DCAF8L2: variants seen among roughly 807,000 people sequenced by gnomAD.
DCAF8L2 encodes the protein DDB1- and CUL4-associated factor 8-like protein 2.
For missense variants in DCAF8L2, 430 were observed against 490.7 expected (o/e 0.88, Z 1.17); for synonymous variants, 200 against 190.9 (o/e 1.05, Z -0.39).
intron 1 of DCAF8L2, among the ~76,000 whole-genome samples, chrX:27,595,866 C>CAAACA (rs2147112898): frequency 9.3e-6 from 1 of 108,077 alleles, no homozygotes; most frequent in Admixed American, 1.0e-4. Context: ...AACAAACAAA[C>CAAACA]AAACAAAACA....
intron 2 of DCAF8L2, among the ~76,000 whole-genome samples, chrX:27,670,367 C>T (rs779769615): frequency 1.8e-5 from 2 of 110,669 alleles, no homozygotes; most frequent in Non-Finnish European, 3.8e-5. Flanking sequence ...GAAAGAGCAC[C>T]GGAATTAGTA....
intron 1 of DCAF8L2, among the ~76,000 whole-genome samples, chrX:27,626,067 T>C (rs1449329935): frequency 9.0e-6 from 1 of 111,202 alleles, no homozygotes; most frequent in Admixed American, 9.5e-5. Flanking sequence ...AAAAGAGAAG[T>C]AGCTGATGTT....
chrX:27,730,197 A>T (rs970279029), intron 4 of DCAF8L2, among the ~76,000 whole-genome samples: 1 of 111,949 alleles, frequency 8.9e-6, no homozygotes, highest in Non-Finnish European at 1.9e-5. Context: ...TGGTGAGAGG[A>T]GAAAAGATAT....
chrX:27,583,723 A>G, the DCAF8L2 span, among the ~76,000 whole-genome samples: 1 of 111,187 alleles, frequency 9.0e-6, no homozygotes, highest in Non-Finnish European at 1.9e-5. Flanking sequence ...AACTGTGCAT[A>G]TGAGGGATCT....
the DCAF8L2 span, among the ~76,000 whole-genome samples, chrX:27,489,748 A>T: frequency 0.21 from 23,450 of 111,561 alleles, 2,270 homozygotes; most frequent in East Asian, 0.37. Context: ...GCTGTAAAAT[A>T]TTACATTCCC....
At chrX:27,657,709 G>A (rs1167735091) in intron 2 of DCAF8L2, among the ~76,000 whole-genome samples, 2 of 111,942 alleles carry the variant, frequency 1.8e-5, no homozygotes, top group Non-Finnish European at 3.8e-5. Flanking sequence ...TAAGGATAAT[G>A]TCCTCAGCAG....
the DCAF8L2 span, chrX:27,519,880 T>C: frequency 3.5e-6 from 1 of 281,950 alleles, no homozygotes; most frequent in Non-Finnish European, 6.2e-6. Context: ...TTTCTTATGA[T>C]ATTTTAATTA....
At chrX:27,689,222 A>G (rs1219595892) in intron 3 of DCAF8L2, among the ~76,000 whole-genome samples, 1 of 112,266 alleles carries the variant, frequency 8.9e-6, no homozygotes, top group Non-Finnish European at 1.9e-5. Flanking sequence ...CATATACACC[A>G]CAAGATTGAT....
chrX:27,541,595 C>T, the DCAF8L2 span, among the ~76,000 whole-genome samples: 4 of 109,891 alleles, frequency 3.6e-5, no homozygotes, highest in Non-Finnish European at 3.8e-5. Flanking sequence ...CTTGAACTTC[C>T]GACCTCAGGT....
At chrX:27,560,468 T>C in the DCAF8L2 span, among the ~76,000 whole-genome samples, 1 of 111,386 alleles carries the variant, frequency 9.0e-6, no homozygotes, top group African/African-American at 3.3e-5. Flanking sequence ...TTCCTTCAGC[T>C]GGTAATGTAG....
chrX:27,514,273 ACATATGTACATATGTGTGTGCATATG>A, the DCAF8L2 span, among the ~76,000 whole-genome samples: 16 of 41,631 alleles, frequency 3.8e-4, 1 homozygote, highest in African/African-American at 6.2e-4. Context: ...GCATATGTGC[ACATATGTACATATGTGTGTGCATATG>A]TGCACATATG....
the DCAF8L2 span, among the ~76,000 whole-genome samples, chrX:27,531,001 A>G: frequency 9.0e-6 from 1 of 111,333 alleles, no homozygotes; most frequent in Non-Finnish European, 1.9e-5. Context: ...AAGAACCAAA[A>G]TTTCTTATGC....
At chrX:27,582,841 A>G in the DCAF8L2 span, among the ~76,000 whole-genome samples, 10 of 110,915 alleles carry the variant, frequency 9.0e-5, no homozygotes, top group Non-Finnish European at 1.7e-4. Context: ...TTACATAACC[A>G]TGATATCAAC....
intron 1 of DCAF8L2, among the ~76,000 whole-genome samples, chrX:27,620,508 G>T (rs148390375): frequency 0.02 from 2,193 of 111,733 alleles, 49 homozygotes; most frequent in African/African-American, 0.066. Context: ...AATGTGCAAA[G>T]GGATGAACAA....
At chrX:27,477,399 T>A in the DCAF8L2 span, among the ~76,000 whole-genome samples, 1 of 111,393 alleles carries the variant, frequency 9.0e-6, no homozygotes, top group Non-Finnish European at 1.9e-5. Flanking sequence ...GCTATTCTCC[T>A]GTCTCAGCCT....
intron 1 of DCAF8L2, among the ~76,000 whole-genome samples, chrX:27,595,191 A>T (rs1284491171): frequency 9.0e-6 from 1 of 111,584 alleles, no homozygotes; most frequent in African/African-American, 3.3e-5. Flanking sequence ...CCTGGCCTCA[A>T]ATACCATCTA....
the DCAF8L2 span, among the ~76,000 whole-genome samples, chrX:27,497,639 G>A: frequency 8.3e-5 from 9 of 107,948 alleles, no homozygotes; most frequent in East Asian, 2.0e-3. Context: ...GGCGATCTCC[G>A]CTCACTGCAA....
chrX:27,747,936 C>T lies in DCAF8L2; in HGVS notation c.1041C>T (p.Asp347=). ...AAGATGCTGTTGTCTTCACCATTGACCTCAGACAAGACCGGCCAGCTTCAA... is the reference window on the plus strand; with the variant it reads ...AAGATGCTGTTGTCTTCACCATTGATCTCAGACAAGACCGGCCAGCTTCAA... The part of the protein sequence containing the change: ...SGEDAVVFTI[D]LRQDRPASKV... The change falls in exon 5 of 5, where the codon GAC becomes GAT. Residue 347 remains aspartate (D), a synonymous_variant. Transcript: ENST00000451261. 8.3e-7 allele frequency: 1 copy of T among 1,211,853 alleles called. No homozygotes were observed. The highest frequency in any genetic ancestry group is 3.0e-5 in the East Asian group (1 of 33,824).
At chrX:27,469,089 T>C in the DCAF8L2 span, among the ~76,000 whole-genome samples, 3 of 111,765 alleles carry the variant, frequency 2.7e-5, no homozygotes, top group Admixed American at 2.8e-4. Flanking sequence ...CATGGCTTCC[T>C]TGGAAGCTCC....
Sources: gnomAD v4.1 joint callset for allele counts (sites outside exome capture counted in the v4.1 genomes callset) on GRCh38, gnomAD v4.1.1 for gene constraint, MANE v1.5 for transcripts, NCBI Gene and HGNC (gene_info 2026-07-23, HGNC 2026-07-21) for gene names.